The following GRAMD2B variants were observed in gnomAD, a reference collection of about 807,000 sequenced individuals.
GRAMD2B encodes the protein GRAM domain-containing protein 2B.
In GRAMD2B, 41 loss-of-function variants were observed where a neutral mutation model predicts 59.2. The ratio of observed to expected loss-of-function variants is 0.69; its 90% CI spans 0.54 to 0.90. The LOEUF is 0.90. Ranked by LOEUF, GRAMD2B falls within the 40% of genes least tolerant of loss-of-function variation. The probability of loss-of-function intolerance (pLI) is 0.00; values close to 1 mark genes in which losing one functional copy is unlikely to be tolerated. For synonymous variants in GRAMD2B, 161 were observed against 182.7 expected (o/e 0.88, Z 0.96); for missense variants, 424 against 500.5 (o/e 0.85, Z 1.46).
intron 13 of GRAMD2B, among the ~76,000 whole-genome samples, chr5:126,489,273 C>T (rs956456821): frequency 6.6e-6 from 1 of 152,152 alleles, no homozygotes; most frequent in African/African-American, 2.4e-5. Context: ...CCAACTCCAC[C>T]AAGGCTGACT....
chr5:126,488,561 T>C (rs1390507762), intron 12 of GRAMD2B, among the ~76,000 whole-genome samples: 4 of 152,222 alleles, frequency 2.6e-5, no homozygotes, highest in Non-Finnish European at 5.9e-5. Context: ...AAACACACCA[T>C]ATCCACTTAA....
intron 2 of GRAMD2B, among the ~76,000 whole-genome samples, chr5:126,468,118 TAA>T (rs2126804600): frequency 6.6e-6 from 1 of 152,358 alleles, no homozygotes; most frequent in South Asian, 2.1e-4. Flanking sequence ...TTCATAATCA[TAA>T]AACTTATTCA....
At chr5:126,430,540 C>T (rs539649703) in intron 1 of GRAMD2B, among the ~76,000 whole-genome samples, 101 of 152,250 alleles carry the variant, frequency 6.6e-4, no homozygotes, top group African/African-American at 2.3e-3. Flanking sequence ...AACCCCAGCT[C>T]TAGGCAATCA....
chr5:126,488,404 T>G (rs1471146175), intron 12 of GRAMD2B, among the ~76,000 whole-genome samples: 1 of 152,212 alleles, frequency 6.6e-6, no homozygotes, highest in Non-Finnish European at 1.5e-5. Context: ...CCTAAACTTG[T>G]AAAGTTCTAG....
intron 1 of GRAMD2B, among the ~76,000 whole-genome samples, chr5:126,435,485 G>A (rs1159938602): frequency 6.6e-6 from 1 of 152,196 alleles, no homozygotes; most frequent in Non-Finnish European, 1.5e-5. Context: ...GAGAGCAGAA[G>A]GGGGAAGGAC....
chr5:126,411,212 C>A lies in GRAMD2B; in HGVS notation c.125+39645C>A, dbSNP rs146402547. On this transcript the variant is annotated intron_variant, in intron 1 of 8. Transcript: ENST00000506445. ...TCCAAAATGGTGTTTCCTAGGTTTT[C>A]TTCTAGGATTCTTACAGTCTGAGGT... Among the ~76,000 whole-genome samples, 375 of 152,096 alleles carry A rather than the reference C, an allele frequency of 2.5e-3. 1 individual carries two copies. Among genetic ancestry groups the A allele is most frequent in the African/African-American group, 8.1e-3 (335 of 41,526 alleles).
chr5:126,488,674 C>A, intron 12 of GRAMD2B, 125 bp from the exon 13 acceptor site: 2 of 625,668 alleles, frequency 3.2e-6, no homozygotes, highest in South Asian at 2.2e-5. Flanking sequence ...CTAATATTAA[C>A]AAATGAAATG....
intron 1 of GRAMD2B, among the ~76,000 whole-genome samples, chr5:126,408,747 G>T (rs1758488477): frequency 6.7e-6 from 1 of 149,562 alleles, no homozygotes; most frequent in East Asian, 2.0e-4. Flanking sequence ...GTGCAGGCTA[G>T]TTACATATGT....
upstream of GRAMD2B, chr5:126,371,292 T>A: frequency 4.5e-6 from 5 of 1,109,074 alleles, no homozygotes; most frequent in Non-Finnish European, 5.6e-6. Flanking sequence ...TTTAAAAACA[T>A]AGCCTCAGCT....
chr5:126,450,652 T>TAA (rs10544199), intron 1 of GRAMD2B, among the ~76,000 whole-genome samples: 2,805 of 96,014 alleles, frequency 0.029, 117 homozygotes, highest in South Asian at 0.057. Flanking sequence ...AGCCTGCTGT[T>TAA]AAAAAAAAAA....
upstream of GRAMD2B, among the ~76,000 whole-genome samples, chr5:126,370,613 A>G (rs1446994500): frequency 6.6e-6 from 1 of 152,222 alleles, no homozygotes; most frequent in Non-Finnish European, 1.5e-5. Context: ...AATGACACAT[A>G]ATTGCAAATC....
chr5:126,458,784 C>A (rs1200868526), intron 1 of GRAMD2B: 1 of 152,186 alleles, frequency 6.6e-6, no homozygotes, highest in Non-Finnish European at 1.5e-5. Flanking sequence ...TTTCTCACAG[C>A]CACATCTTTA....
intron 1 of GRAMD2B, among the ~76,000 whole-genome samples, chr5:126,401,760 A>T (rs920851019): frequency 2.0e-5 from 3 of 152,096 alleles, no homozygotes; most frequent in African/African-American, 7.2e-5. Flanking sequence ...GTTTACTACC[A>T]TATAGAAAAA....
At chr5:126,397,472 A>G (rs1757456809) in intron 1 of GRAMD2B, among the ~76,000 whole-genome samples, 1 of 151,850 alleles carries the variant, frequency 6.6e-6, no homozygotes. Context: ...AATCCACTCA[A>G]CTCAGCCTCC....
At chr5:126,364,393 C>T (rs1158512198) in intron 1 of GRAMD2B, among the ~76,000 whole-genome samples, 1 of 152,200 alleles carries the variant, frequency 6.6e-6, no homozygotes, top group Non-Finnish European at 1.5e-5. Context: ...GAACCTAACA[C>T]AGCTAATGCC....
At chr5:126,411,614 G>A (rs1029396625) in intron 1 of GRAMD2B, among the ~76,000 whole-genome samples, 1 of 152,054 alleles carries the variant, frequency 6.6e-6, no homozygotes, top group African/African-American at 2.4e-5. Flanking sequence ...GTGAATTTTA[G>A]AGTATTTTTT....
chr5:126,464,312 A>G (rs545298748), intron 1 of GRAMD2B, among the ~76,000 whole-genome samples: 1 of 152,322 alleles, frequency 6.6e-6, no homozygotes, highest in South Asian at 2.1e-4. Context: ...GTCTTTCTTT[A>G]GGCTCAGTCT....
At chr5:126,425,009 C>G (rs1049195316) in intron 1 of GRAMD2B, among the ~76,000 whole-genome samples, 4 of 152,178 alleles carry the variant, frequency 2.6e-5, no homozygotes, top group Admixed American at 2.6e-4. Context: ...CTTCCATGGC[C>G]TACTCTTAAA....
At chr5:126,369,751 T>C (rs1327960413), upstream of GRAMD2B, among the ~76,000 whole-genome samples, 1 of 152,152 alleles carries the variant, frequency 6.6e-6, no homozygotes. Context: ...TAGAGACATT[T>C]TGTTCTAAGT....
Sources: gnomAD v4.1 joint callset for allele counts (sites outside exome capture counted in the v4.1 genomes callset) on GRCh38, gnomAD v4.1.1 for gene constraint, MANE v1.5 for transcripts, NCBI Gene and HGNC (gene_info 2026-07-23, HGNC 2026-07-21) for gene names.